GABRG3: variants seen among roughly 807,000 people sequenced by gnomAD.
GABRG3 encodes the protein gamma-aminobutyric acid type A receptor subunit gamma3.
Under a neutral mutation model 48.8 loss-of-function variants are expected in GABRG3, and 25 were observed. The ratio of observed to expected loss-of-function variants is 0.51; its 90% confidence interval spans 0.37 to 0.72. The LOEUF (loss-of-function observed/expected upper bound fraction) is 0.72, where lower values mean the gene tolerates loss of function less well. Among genes scored for constraint, GABRG3 ranks in the 30% least tolerant of loss-of-function variants. The pLI, the probability that GABRG3 is intolerant of heterozygous loss-of-function variation, is 0.00. For missense variants in GABRG3, 394 were observed against 577.9 expected (o/e 0.68, Z 3.26); for synonymous variants, 227 against 217.6 (o/e 1.04, Z -0.38).
intron 5 of GABRG3, among the ~76,000 whole-genome samples, chr15:27,336,208 AAGAGAGAG>A (rs71285057): frequency 0.045 from 6,285 of 138,752 alleles, 239 homozygotes; most frequent in South Asian, 0.11. Context: ...GAAAGAAAGA[AAGAGAGAG>A]AGAGAGAGAG....
chr15:27,530,746 C>A lies in GABRG3; in HGVS notation c.1123-1854C>A, dbSNP rs904283517. ...CTTCCTGTGTGGCTGCCTTACCTTG[C>A]AAATGGCCAGACTTCTCCTCTGTGT... On this transcript the variant is annotated intron_variant, in intron 9 of 9. Coordinates refer to ENST00000615808, the MANE Select transcript of GABRG3 (RefSeq NM_033223.5). 25 of 470,722 alleles carry A rather than the reference C, an allele frequency of 5.3e-5. No individual in the cohort carries two copies. In the Admixed American group the frequency reaches 5.9e-4, roughly 11 times the overall value. The allele number at this position is 470,722 out of a possible 1,614,324, so 29.2% of individuals were successfully genotyped here. A position where few individuals can be genotyped will look rare whatever the true frequency, so the allele number is the denominator to read the frequency against.
At chr15:27,170,893 C>T (rs1887544933) in intron 3 of GABRG3, among the ~76,000 whole-genome samples, 1 of 152,170 alleles carries the variant, frequency 6.6e-6, no homozygotes, top group Admixed American at 6.5e-5. Flanking sequence ...TATGCGTCCC[C>T]AAATAGATTT....
rs535024339 is a variant in GABRG3 at position 27,161,496 on chromosome 15, T to C, written c.270+134675T>C. On this transcript the variant is annotated intron_variant, in intron 3 of 9. Transcript: ENST00000615808. ...TGTCTGCATACGTTTTTAATGATGC[T>C]TTTTGATGAAGAAAAGCTCTTAAAG... 1.1e-4 allele frequency among the ~76,000 whole-genome samples: 16 copies of C among 152,284 alleles called. 1 individual carries two copies. Among genetic ancestry groups the C allele is most frequent in the Non-Finnish European group, 1.9e-4 (13 of 68,010 alleles).
At chr15:27,081,258 C>T (rs760975098) in intron 3 of GABRG3, among the ~76,000 whole-genome samples, 1 of 152,138 alleles carries the variant, frequency 6.6e-6, no homozygotes, top group Non-Finnish European at 1.5e-5. Flanking sequence ...TACAAGGATG[C>T]TAGATACATA....
intron 2 of GABRG3, among the ~76,000 whole-genome samples, chr15:26,984,517 C>G (rs1895115834): frequency 6.6e-6 from 1 of 152,140 alleles, no homozygotes; most frequent in South Asian, 2.1e-4. Context: ...TTCTTCTCAA[C>G]TAACTTCTAA....
chr15:27,386,900 A>G (rs1339417803), intron 5 of GABRG3, among the ~76,000 whole-genome samples: 1 of 152,230 alleles, frequency 6.6e-6, no homozygotes, highest in Non-Finnish European at 1.5e-5. Flanking sequence ...GAAAAATGGA[A>G]TCACACAGGA....
At chr15:27,033,068 G>C (rs1267235186) in intron 3 of GABRG3, among the ~76,000 whole-genome samples, 1 of 152,116 alleles carries the variant, frequency 6.6e-6, no homozygotes, top group Non-Finnish European at 1.5e-5. Flanking sequence ...TAAATGTGTC[G>C]AGGAGATAAC....
intron 5 of GABRG3, among the ~76,000 whole-genome samples, chr15:27,403,476 GA>G (rs1384817481): frequency 6.6e-6 from 1 of 152,156 alleles, no homozygotes; most frequent in African/African-American, 2.4e-5. Flanking sequence ...GTAATCAGCT[GA>G]AAACCAGACC....
At chr15:27,300,678 C>CA (rs10600874) in intron 3 of GABRG3, among the ~76,000 whole-genome samples, 1,045 of 101,194 alleles carry the variant, frequency 0.01, 6 homozygotes, top group African/African-American at 0.023. Context: ...AATAAATAAG[C>CA]AAAAAAAAAA....
intron 5 of GABRG3, among the ~76,000 whole-genome samples, chr15:27,456,803 C>T (rs535083013): frequency 1.3e-5 from 2 of 152,238 alleles, no homozygotes; most frequent in African/African-American, 4.8e-5. Context: ...TGATCAGGGC[C>T]CCTCCCTAGG....
chr15:27,307,448 CATATAGGTTTATATATTTATATATAAA>C (rs1892644691), intron 3 of GABRG3, among the ~76,000 whole-genome samples: 1 of 60,398 alleles, frequency 1.7e-5, no homozygotes, highest in African/African-American at 6.2e-5. Flanking sequence ...TATATATAAA[CATATAGGTTTATATATTTATATATAAA>C]CATAGGTTTA....
chr15:27,138,446 CT>C (rs2140387937), intron 3 of GABRG3, among the ~76,000 whole-genome samples: 1 of 152,302 alleles, frequency 6.6e-6, no homozygotes, highest in South Asian at 2.1e-4. Context: ...AAAATGGGCA[CT>C]TTTTTCCCAA....
At chr15:27,232,489 C>T (rs76778363) in intron 3 of GABRG3, among the ~76,000 whole-genome samples, 8 of 152,196 alleles carry the variant, frequency 5.3e-5, no homozygotes, top group Non-Finnish European at 1.2e-4. Flanking sequence ...AGCATGTGGC[C>T]AACTCACTGG....
At chr15:27,232,584 G>A (rs1178036823) in intron 3 of GABRG3, among the ~76,000 whole-genome samples, 2 of 152,168 alleles carry the variant, frequency 1.3e-5, no homozygotes, top group African/African-American at 2.4e-5. Flanking sequence ...CTGTTCTCCT[G>A]CCAGACCATG....
chr15:27,474,015 C>G (rs1889861491), intron 5 of GABRG3, among the ~76,000 whole-genome samples: 1 of 152,194 alleles, frequency 6.6e-6, no homozygotes, highest in Non-Finnish European at 1.5e-5. Flanking sequence ...AGGGACTTCT[C>G]TATCCCAAGA....
intron 5 of GABRG3, among the ~76,000 whole-genome samples, chr15:27,455,732 AGTTT>A (rs1889254029): frequency 7.5e-6 from 1 of 132,938 alleles, no homozygotes; most frequent in Non-Finnish European, 1.6e-5. Context: ...GTGGTTTGTG[AGTTT>A]GTGTGTGGTG....
At chr15:27,372,427 C>T (rs1159046743) in intron 5 of GABRG3, among the ~76,000 whole-genome samples, 1 of 152,130 alleles carries the variant, frequency 6.6e-6, no homozygotes, top group Non-Finnish European at 1.5e-5. Flanking sequence ...GGGTCTCGCT[C>T]AGTCACCCAG....
intron 3 of GABRG3, among the ~76,000 whole-genome samples, chr15:27,094,031 T>C (rs559237533): frequency 2.6e-5 from 4 of 152,222 alleles, no homozygotes; most frequent in African/African-American, 9.6e-5. Flanking sequence ...GTTTTATGCA[T>C]GCAGATCACA....
intron 5 of GABRG3, among the ~76,000 whole-genome samples, chr15:27,461,449 G>A (rs1337283340): frequency 6.6e-6 from 1 of 152,064 alleles, no homozygotes; most frequent in Non-Finnish European, 1.5e-5. Flanking sequence ...TCGGACCCTC[G>A]GGTGAGTGTT....
Sources: gnomAD v4.1 joint callset for allele counts (sites outside exome capture counted in the v4.1 genomes callset) on GRCh38, gnomAD v4.1.1 for gene constraint, MANE v1.5 for transcripts, NCBI Gene and HGNC (gene_info 2026-07-23, HGNC 2026-07-21) for gene names.